Variants in SNX29 observed in about 807,000 individuals in gnomAD.
The protein encoded by SNX29 is sorting nexin 29.
Under a neutral mutation model 102.1 loss-of-function variants are expected in SNX29, and 78 were observed. That is an observed-to-expected ratio of 0.76 (90% CI 0.64 to 0.92). The LOEUF (loss-of-function observed/expected upper bound fraction) is 0.92, where lower values mean the gene tolerates loss of function less well. Among genes scored for constraint, SNX29 ranks in the 40% least tolerant of loss-of-function variants. SNX29 has a pLI of 0.00. For synonymous variants in SNX29, 580 were observed against 414.5 expected (o/e 1.40, Z -4.85); for missense variants, 1,280 against 1,061.7 (o/e 1.21, Z -2.86).
chr16:12,340,684 C>G (rs1206665984), intron 15 of SNX29, among the ~76,000 whole-genome samples: 1 of 152,102 alleles, frequency 6.6e-6, no homozygotes, highest in African/African-American at 2.4e-5. Context: ...TCGGGAGGGA[C>G]CAGAAGGGAC....
At chr16:12,317,905 G>T (rs970145588) in intron 15 of SNX29, among the ~76,000 whole-genome samples, 2 of 152,256 alleles carry the variant, frequency 1.3e-5, no homozygotes, top group African/African-American at 4.8e-5. Context: ...GGACCCGACT[G>T]AGAGCTGAAA....
chr16:12,223,905 A>G (rs977315385), intron 14 of SNX29, among the ~76,000 whole-genome samples: 2 of 152,028 alleles, frequency 1.3e-5, no homozygotes, highest in African/African-American at 2.4e-5. Context: ...ATACGTTCTG[A>G]TCCTTATCCT....
At chr16:12,486,145 G>A (rs894363192) in intron 19 of SNX29, among the ~76,000 whole-genome samples, 1 of 152,132 alleles carries the variant, frequency 6.6e-6, no homozygotes, top group African/African-American at 2.4e-5. Context: ...GCATTTCTTG[G>A]CTCGTGGCCC....
chr16:12,012,012 G>C (rs191790973), intron 3 of SNX29, among the ~76,000 whole-genome samples: 2 of 152,262 alleles, frequency 1.3e-5, no homozygotes, highest in Admixed American at 1.3e-4. Flanking sequence ...CTGAAGGTTG[G>C]AGGGATTGCC....
intron 8 of SNX29, among the ~76,000 whole-genome samples, chr16:12,055,565 G>A (rs2050485431): frequency 6.6e-6 from 1 of 152,098 alleles, no homozygotes. Context: ...TGGCTCATGT[G>A]ATTGTGGGGC....
chr16:12,423,997 G>A (rs2151598468), intron 18 of SNX29, among the ~76,000 whole-genome samples: 1 of 152,338 alleles, frequency 6.6e-6, no homozygotes, highest in Middle Eastern at 3.4e-3. Context: ...GGTCCATGAA[G>A]TGAAGTTCTA....
At chr16:12,034,590 G>T (rs2057424136) in intron 4 of SNX29, among the ~76,000 whole-genome samples, 1 of 152,216 alleles carries the variant, frequency 6.6e-6, no homozygotes, top group Non-Finnish European at 1.5e-5. Flanking sequence ...TTGACACCCA[G>T]GGTGGCATGG....
At chr16:12,548,799 G>T (rs1461891571) in intron 20 of SNX29, among the ~76,000 whole-genome samples, 1 of 152,176 alleles carries the variant, frequency 6.6e-6, no homozygotes, top group Non-Finnish European at 1.5e-5. Context: ...GGTCATAGCT[G>T]GGCTGTTGTT....
At chr16:12,449,973 C>G (rs1234194253) in intron 18 of SNX29, among the ~76,000 whole-genome samples, 1 of 152,128 alleles carries the variant, frequency 6.6e-6, no homozygotes, top group Non-Finnish European at 1.5e-5. Flanking sequence ...TGGGAGACAA[C>G]TGAATCATGG....
intron 14 of SNX29, among the ~76,000 whole-genome samples, chr16:12,255,815 A>C (rs1477692382): frequency 1.3e-5 from 2 of 152,196 alleles, no homozygotes; most frequent in Non-Finnish European, 2.9e-5. Flanking sequence ...GGCTATTGTG[A>C]ATAGTGCTGC....
chr16:12,574,171 T>G lies in SNX29; in HGVS notation c.*5542T>G, dbSNP rs1411065053. The G allele has an allele frequency of 5.6e-6, 1 of 180,176 alleles. No individual in the cohort carries two copies. Among genetic ancestry groups the G allele is most frequent in the African/African-American group, 2.4e-5 (1 of 42,384 alleles). 11.2% of individuals were successfully genotyped at this position (180,176 alleles called of 1,614,324 possible). Reference sequence around the variant, plus strand: ...CAAATGTGTTTAATTTTTTAAGATCTCTTGTATTAAAATTTTCTTTTGGAA... The same window carrying G: ...CAAATGTGTTTAATTTTTTAAGATCGCTTGTATTAAAATTTTCTTTTGGAA... On this transcript the variant is annotated 3_prime_UTR_variant, in exon 21 of 21. Transcript: ENST00000566228.
chr16:12,374,136 T>A (rs764125965), intron 16 of SNX29, among the ~76,000 whole-genome samples: 4 of 152,228 alleles, frequency 2.6e-5, no homozygotes, highest in Non-Finnish European at 5.9e-5. Flanking sequence ...GTGGGCTGTG[T>A]CTAGCCCATT....
chr16:12,553,264 C>G (rs931461838), intron 20 of SNX29, among the ~76,000 whole-genome samples: 28 of 152,326 alleles, frequency 1.8e-4, no homozygotes, highest in African/African-American at 6.7e-4. Context: ...AAGACCACTG[C>G]CGCCTAGGGG....
chr16:12,567,769 A>G (rs772903265), intron 20 of SNX29, among the ~76,000 whole-genome samples: 3 of 152,220 alleles, frequency 2.0e-5, no homozygotes. Context: ...TCCAGAAAAT[A>G]CAATTTTGAA....
intron 13 of SNX29, among the ~76,000 whole-genome samples, chr16:12,173,349 C>T (rs1185391818): frequency 6.6e-6 from 1 of 152,160 alleles, no homozygotes; most frequent in Admixed American, 6.5e-5. Context: ...TTGGGTGTGA[C>T]AAGAATGACC....
intron 20 of SNX29, among the ~76,000 whole-genome samples, chr16:12,555,203 C>T (rs961011992): frequency 5.3e-5 from 8 of 151,822 alleles, no homozygotes; most frequent in South Asian, 2.1e-4. Context: ...GCAGACTGGA[C>T]TATGGGCAGC....
intron 20 of SNX29, among the ~76,000 whole-genome samples, chr16:12,564,089 C>T (rs936456061): frequency 1.3e-5 from 2 of 152,132 alleles, no homozygotes; most frequent in South Asian, 4.1e-4. Context: ...TTTGTAATAT[C>T]TTTGTAAAAT....
At chr16:12,191,906 T>C (rs1430104867) in intron 13 of SNX29, among the ~76,000 whole-genome samples, 2 of 152,104 alleles carry the variant, frequency 1.3e-5, no homozygotes, top group African/African-American at 4.8e-5. Flanking sequence ...TTGGGTGTGG[T>C]TATGGTTGAT....
intron 18 of SNX29, among the ~76,000 whole-genome samples, chr16:12,413,037 G>C (rs1310125799): frequency 6.6e-6 from 1 of 152,176 alleles, no homozygotes; most frequent in Non-Finnish European, 1.5e-5. Flanking sequence ...GGAGGTTAGA[G>C]CATGTTGTCA....
Sources: allele counts gnomAD v4.1 joint callset (sites outside exome capture counted in the v4.1 genomes callset), GRCh38; gene constraint gnomAD v4.1.1; transcripts MANE v1.5; gene names NCBI Gene and HGNC (gene_info 2026-07-23, HGNC 2026-07-21).